The following GALNT18 variants were observed in gnomAD, a reference collection of about 807,000 sequenced individuals.
The protein encoded by GALNT18 is polypeptide N-acetylgalactosaminyltransferase 18.
In GALNT18, 44 loss-of-function variants were observed where a neutral mutation model predicts 69.5. The observed-to-expected ratio is 0.63, with a 90% CI of 0.50 to 0.81. The LOEUF (loss-of-function observed/expected upper bound fraction) is 0.81, where lower values mean the gene tolerates loss of function less well. Among genes scored for constraint, GALNT18 ranks in the 40% least tolerant of loss-of-function variants. The pLI, the probability that GALNT18 is intolerant of heterozygous loss-of-function variation, is 0.00. For missense variants in GALNT18, 715 were observed against 810.0 expected, an observed-to-expected ratio of 0.88 and a Z score of 1.42; for synonymous variants, 364 against 318.2, an observed-to-expected ratio of 1.14 and a Z score of -1.53.
chr11:11,371,444 T>C (rs949881942), intron 6 of GALNT18, among the ~76,000 whole-genome samples: 1 of 152,048 alleles, frequency 6.6e-6, no homozygotes, highest in East Asian at 1.9e-4. Flanking sequence ...GATGCCAGAG[T>C]AGGGCCAGTA....
At chr11:11,572,819 C>A (rs901361421) in intron 1 of GALNT18, among the ~76,000 whole-genome samples, 1 of 152,168 alleles carries the variant, frequency 6.6e-6, no homozygotes, top group Non-Finnish European at 1.5e-5. Context: ...ATGGCAGTAA[C>A]AACTCCAACT....
chr11:11,448,204 G>C (rs1434803441), intron 2 of GALNT18, among the ~76,000 whole-genome samples: 1 of 151,926 alleles, frequency 6.6e-6, no homozygotes, highest in Admixed American at 6.6e-5. Flanking sequence ...AAAACACTGT[G>C]GGGGGGAGCT....
intron 6 of GALNT18, among the ~76,000 whole-genome samples, chr11:11,362,107 C>T (rs112760981): frequency 1.2e-4 from 18 of 152,122 alleles, no homozygotes; most frequent in African/African-American, 3.9e-4. Context: ...GAAGGTGTTA[C>T]GATAACTGGT....
chr11:11,294,781 C>T (rs980082749), intron 9 of GALNT18, among the ~76,000 whole-genome samples: 6 of 152,130 alleles, frequency 3.9e-5, no homozygotes, highest in Admixed American at 2.0e-4. Context: ...GGTTCCCAGT[C>T]AGGGCTCCGA....
Position 11,538,023 on chromosome 11 carries a change from C to T in GALNT18, c.235+83336G>A, listed in dbSNP as rs1857824270. Among the ~76,000 whole-genome samples, 1 of 152,190 alleles carries T rather than the reference C, an allele frequency of 6.6e-6. No homozygotes were observed. Among genetic ancestry groups the T allele is most frequent in the South Asian group, 2.1e-4 (1 of 4,822 alleles). ...ATAATGATAACTACCAATTACCGAG[C>T]ACTTACTACATGCCAGACACTGCTG... On this transcript the variant is annotated intron_variant, in intron 1 of 10. Transcript: ENST00000227756. This position sits in a 1 kb window ranked among gnomAD's most constrained non-coding sequence, Gnocchi z 5.2.
At chr11:11,291,348 C>T (rs897960013) in intron 10 of GALNT18, among the ~76,000 whole-genome samples, 7 of 152,132 alleles carry the variant, frequency 4.6e-5, no homozygotes, top group Admixed American at 6.5e-5. Flanking sequence ...TAAATAATGA[C>T]CAACATGAGC....
intron 1 of GALNT18, among the ~76,000 whole-genome samples, chr11:11,495,016 G>T (rs1414399092): frequency 3.3e-5 from 5 of 151,904 alleles, no homozygotes; most frequent in Non-Finnish European, 1.5e-5. Context: ...CCTAGGGAAG[G>T]GGAAGGTTGA....
rs1453050347 is a variant in GALNT18, at chr11:11,339,156, C to T, written c.1278+1663G>A. On this transcript the variant is annotated intron_variant, in intron 7 of 10. Transcript: ENST00000227756. This position sits in a 1 kb window ranked among gnomAD's most constrained non-coding sequence, Gnocchi z 5.2. ...ACAGGAGAGGAAAGAGAATTATTTT[C>T]GGAAACACACTGATCCTTTCCTTCT... 6.6e-6 allele frequency among the ~76,000 whole-genome samples: 1 copy of T among 152,162 alleles called. No homozygotes were observed. Among genetic ancestry groups the T allele is most frequent in the South Asian group, 2.1e-4 (1 of 4,802 alleles).
In GALNT18 at chr11:11,341,085, G is replaced by A; in HGVS notation, c.1093-81C>T. The A allele has an allele frequency of 7.3e-7, 1 of 1,375,068 alleles. No homozygotes were observed. Among genetic ancestry groups the A allele is most frequent in the Non-Finnish European group, 9.9e-7 (1 of 1,009,442 alleles). 85.2% of individuals were successfully genotyped at this position (1,375,068 alleles called of 1,614,324 possible). The stretch of plus-strand genomic sequence containing the variant: ...CAGGCCTCAGGCAGCCACTTGACAT[G>A]AGCAGGAAGAAAGTCAGCCCCTTCA... On this transcript the variant is annotated intron_variant, in intron 6 of 10. Transcript: ENST00000227756. The surrounding 1 kb of genome is among the most constrained non-coding windows in gnomAD (Gnocchi z 6.3).
At chr11:11,307,751 C>T (rs1017450441) in intron 9 of GALNT18, among the ~76,000 whole-genome samples, 1 of 152,312 alleles carries the variant, frequency 6.6e-6, no homozygotes, top group South Asian at 2.1e-4. Context: ...TCCTTGACCC[C>T]CCCAAGGTCA....
intron 9 of GALNT18, among the ~76,000 whole-genome samples, chr11:11,312,018 G>A (rs954481831): frequency 6.6e-5 from 10 of 152,246 alleles, no homozygotes; most frequent in South Asian, 2.1e-4. Flanking sequence ...GTGCAGTGGC[G>A]CAATCTCGGC....
chr11:11,536,055 C>A (rs1857765475), intron 1 of GALNT18, among the ~76,000 whole-genome samples: 1 of 152,174 alleles, frequency 6.6e-6, no homozygotes, highest in Non-Finnish European at 1.5e-5. Context: ...TTAGTCTAAG[C>A]AAGCAGATCT....
chr11:11,370,821 A>AT (rs139361893), intron 6 of GALNT18, among the ~76,000 whole-genome samples: 96 of 152,278 alleles, frequency 6.3e-4, no homozygotes, highest in African/African-American at 2.3e-3. Flanking sequence ...ATTCCTGCAC[A>AT]TTTTTACCCA....
intron 10 of GALNT18, among the ~76,000 whole-genome samples, chr11:11,272,155 C>T (rs1185678196): frequency 6.6e-6 from 1 of 152,158 alleles, no homozygotes; most frequent in Admixed American, 6.5e-5. Flanking sequence ...TGGTCAAACT[C>T]ACTTTTTCCC....
Position 11,389,102 on chromosome 11 carries a change from C to T in GALNT18, c.596-9838G>A, listed in dbSNP as rs1854121430. On this transcript the variant is annotated intron_variant, in intron 3 of 10. Transcript: ENST00000227756. The surrounding 1 kb of genome is among the most constrained non-coding windows in gnomAD (Gnocchi z 4.3). ...ACCCAGGCAACCTGAAGATAATAAC[C>T]TCATTATTATCTTCAAACGGCAAAT... Among the ~76,000 whole-genome samples, 1 of 152,184 alleles carries T rather than the reference C, an allele frequency of 6.6e-6. No individual in the cohort carries two copies. Among genetic ancestry groups the T allele is most frequent in the Non-Finnish European group, 1.5e-5 (1 of 68,028 alleles).
Position 11,605,147 on chromosome 11 carries a change from G to C in GALNT18, c.235+16212C>G, listed in dbSNP as rs1373580177. The stretch of plus-strand genomic sequence containing the variant: ...TGTCCCGACAGGCAGAGTCTGAGGA[G>C]GAACTTTTACTGTGTCCGTTTCCTG... On this transcript the variant is annotated intron_variant, in intron 1 of 10. Coordinates refer to ENST00000227756, the MANE Select transcript of GALNT18 (RefSeq NM_198516.3). The surrounding 1 kb of genome is among the most constrained non-coding windows in gnomAD (Gnocchi z 4.7). 6.6e-6 allele frequency among the ~76,000 whole-genome samples: 1 copy of C among 152,140 alleles called. No homozygotes were observed. Among genetic ancestry groups the C allele is most frequent in the Non-Finnish European group, 1.5e-5 (1 of 68,030 alleles).
At chr11:11,354,497 C>T (rs1850486617) in intron 6 of GALNT18, among the ~76,000 whole-genome samples, 1 of 152,194 alleles carries the variant, frequency 6.6e-6, no homozygotes, top group African/African-American at 2.4e-5. Context: ...TTCCAACACT[C>T]AGTTTCCTTG....
chr11:11,572,398 T>C (rs1045372351), intron 1 of GALNT18, among the ~76,000 whole-genome samples: 3 of 152,220 alleles, frequency 2.0e-5, no homozygotes, highest in Non-Finnish European at 2.9e-5. Context: ...CTGAATAACT[T>C]AGTCTTCATG....
intron 1 of GALNT18, among the ~76,000 whole-genome samples, chr11:11,599,860 A>T (rs1022646032): frequency 6.6e-6 from 1 of 152,028 alleles, no homozygotes; most frequent in Admixed American, 6.6e-5. Context: ...GATTCAATCA[A>T]GTTAACATAC....
Sources: gnomAD v4.1 joint callset for allele counts (sites outside exome capture counted in the v4.1 genomes callset) on GRCh38, gnomAD v4.1.1 for gene constraint, Gnocchi (gnomAD v3.1) non-coding constraint, MANE v1.5 for transcripts, NCBI Gene and HGNC (gene_info 2026-07-23, HGNC 2026-07-21) for gene names.